Variants in SDK1 observed in about 807,000 individuals in gnomAD.
The protein encoded by SDK1 is protein sidekick-1.
A neutral mutation model predicts 245.5 loss-of-function variants in SDK1; 157 were observed. The observed-to-expected ratio is 0.64, with a 90% CI of 0.56 to 0.73. The LOEUF (loss-of-function observed/expected upper bound fraction) is 0.73. Among genes scored for constraint, SDK1 ranks in the 30% least tolerant of loss-of-function variants. SDK1 has a pLI of 0.00. For missense variants in SDK1, 3,583 were observed against 3,002.3 expected (o/e 1.19, Z -4.52); for synonymous variants, 1,647 against 1,278.5 (o/e 1.29, Z -6.15).
chr7:4,202,520 G>A (rs1020016703), intron 35 of SDK1, among the ~76,000 whole-genome samples: 1 of 152,170 alleles, frequency 6.6e-6, no homozygotes, highest in Non-Finnish European at 1.5e-5. Flanking sequence ...GGGGCCAGAG[G>A]GGAAAATGTG....
intron 4 of SDK1, among the ~76,000 whole-genome samples, chr7:3,697,251 T>C (rs1195179049): frequency 1.3e-5 from 2 of 152,184 alleles, no homozygotes; most frequent in Middle Eastern, 3.2e-3. Context: ...CTGCTAATTA[T>C]AAGAAAAGCC....
intron 1 of SDK1, among the ~76,000 whole-genome samples, chr7:3,423,202 T>A (rs1368049138): frequency 2.6e-5 from 4 of 152,206 alleles, no homozygotes; most frequent in African/African-American, 4.8e-5. Flanking sequence ...CACAAATGAT[T>A]ACAACAATTT....
At chr7:3,311,434 G>A (rs1052818996) in intron 1 of SDK1, among the ~76,000 whole-genome samples, 2 of 152,136 alleles carry the variant, frequency 1.3e-5, no homozygotes, top group African/African-American at 2.4e-5. Flanking sequence ...GAATGAATGG[G>A]TAGGGAGAAA....
At chr7:3,419,601 G>A (rs1037345491) in intron 1 of SDK1, among the ~76,000 whole-genome samples, 2 of 152,152 alleles carry the variant, frequency 1.3e-5, no homozygotes, top group Admixed American at 1.3e-4. Context: ...GGACTCAGTT[G>A]CCTTTTGAAT....
At chr7:3,376,493 A>G (rs1260292873) in intron 1 of SDK1, among the ~76,000 whole-genome samples, 2 of 152,248 alleles carry the variant, frequency 1.3e-5, no homozygotes, top group Non-Finnish European at 1.5e-5. Context: ...CGAACAGGCA[A>G]TTCACAAAGT....
chr7:3,999,054 C>T (rs1301156324), intron 14 of SDK1, among the ~76,000 whole-genome samples: 2 of 152,010 alleles, frequency 1.3e-5, no homozygotes, highest in South Asian at 2.1e-4. Flanking sequence ...ATTGTATCAC[C>T]CAATTTTATG....
chr7:3,386,880 C>G (rs1219967297), intron 1 of SDK1, among the ~76,000 whole-genome samples: 1 of 152,138 alleles, frequency 6.6e-6, no homozygotes, highest in Non-Finnish European at 1.5e-5. Context: ...TAACACAAGG[C>G]TGTCATGTTT....
At chr7:3,493,857 A>G (rs1781940240) in intron 1 of SDK1, among the ~76,000 whole-genome samples, 2 of 152,204 alleles carry the variant, frequency 1.3e-5, no homozygotes, top group South Asian at 2.1e-4. Context: ...ATTGGCACCA[A>G]AGTTCCACTA....
At chr7:3,595,828 C>CAAAAAA (rs35037283) in intron 1 of SDK1, among the ~76,000 whole-genome samples, 11 of 54,028 alleles carry the variant, frequency 2.0e-4, no homozygotes, top group East Asian at 6.5e-4. Context: ...GACTTCATCT[C>CAAAAAA]AAAAAAAAAA....
At chr7:3,789,704 C>G (rs949129413) in intron 4 of SDK1, among the ~76,000 whole-genome samples, 26 of 152,056 alleles carry the variant, frequency 1.7e-4, no homozygotes, top group African/African-American at 5.6e-4. Flanking sequence ...GATAGAAAGA[C>G]AAGAAGATCA....
chr7:3,437,583 G>A (rs570299708), intron 1 of SDK1, among the ~76,000 whole-genome samples: 1 of 152,080 alleles, frequency 6.6e-6, no homozygotes, highest in African/African-American at 2.4e-5. Flanking sequence ...ATCAGCCTGG[G>A]CAACAGCAAG....
Position 3,676,519 on chromosome 7 carries a change from GT to G in SDK1, c.713+34417del, listed in dbSNP as rs566058676. 1.5e-3 allele frequency among the ~76,000 whole-genome samples: 230 copies of G among 151,908 alleles called. 1 individual carries two copies. The highest frequency in any genetic ancestry group is 5.5e-3 in the African/African-American group (226 of 41,400). The stretch of plus-strand genomic sequence containing the variant: ...TTTTTATATTGTTAGTAGAGACGGG[GT>G]TTCACCCTGTTAGCCGGGATGGTCT... On this transcript the variant is annotated intron_variant, in intron 4 of 44. Coordinates refer to ENST00000404826, the MANE Select transcript of SDK1 (RefSeq NM_152744.4).
chr7:3,458,099 G>T (rs1056163103), intron 1 of SDK1, among the ~76,000 whole-genome samples: 5 of 151,770 alleles, frequency 3.3e-5, no homozygotes, highest in Non-Finnish European at 7.4e-5. Context: ...TTCCCTGTTG[G>T]AATACTCTTA....
At position 3,335,311 on chromosome 7, in the gene SDK1, C is replaced by A. The variant is rs528404525; in HGVS notation, c.298+33427C>A. ...TATCTTTCTTTATTTACCCCCTAAGCATTATCCACCTGGCTTACCAAGTTA... is the reference window on the plus strand; with the variant it reads ...TATCTTTCTTTATTTACCCCCTAAGAATTATCCACCTGGCTTACCAAGTTA... On this transcript the variant is annotated intron_variant, in intron 1 of 44. Transcript: ENST00000404826. 2.0e-5 allele frequency among the ~76,000 whole-genome samples: 3 copies of A among 152,284 alleles called. No homozygotes were observed. The South Asian group carries it at 6.2e-4, about 32-fold the overall frequency.
intron 40 of SDK1, among the ~76,000 whole-genome samples, chr7:4,229,793 T>C (rs994309212): frequency 6.6e-6 from 1 of 152,172 alleles, no homozygotes; most frequent in African/African-American, 2.4e-5. Context: ...AAATTGTCTA[T>C]CTTTTTAGAG....
chr7:4,001,544 C>G (rs919833807), intron 14 of SDK1, among the ~76,000 whole-genome samples: 6 of 152,196 alleles, frequency 3.9e-5, no homozygotes, highest in Non-Finnish European at 8.8e-5. Flanking sequence ...TGGGCTGCAT[C>G]CATTAGCTGG....
At chr7:3,791,018 CTG>C (rs1227519689) in intron 4 of SDK1, among the ~76,000 whole-genome samples, 2 of 152,152 alleles carry the variant, frequency 1.3e-5, no homozygotes, top group African/African-American at 2.4e-5. Context: ...CTTAACCTCT[CTG>C]TGCTTCAGTA....
intron 35 of SDK1, among the ~76,000 whole-genome samples, chr7:4,186,514 G>T (rs560661682): frequency 6.6e-6 from 1 of 152,132 alleles, no homozygotes; most frequent in African/African-American, 2.4e-5. Context: ...TGGTTCCCTC[G>T]ACCCTTAGCT....
chr7:3,775,721 C>G (rs377104380), intron 4 of SDK1, among the ~76,000 whole-genome samples: 4 of 151,894 alleles, frequency 2.6e-5, no homozygotes, highest in Non-Finnish European at 5.9e-5. Flanking sequence ...GGACTACAGG[C>G]GCCCGCCACC....
Sources: allele counts gnomAD v4.1 joint callset (sites outside exome capture counted in the v4.1 genomes callset), GRCh38; gene constraint gnomAD v4.1.1; transcripts MANE v1.5; gene names NCBI Gene and HGNC (gene_info 2026-07-23, HGNC 2026-07-21).